The following CSMD1 variants were observed in gnomAD, a reference collection of about 807,000 sequenced individuals.
The protein encoded by CSMD1 is CUB and Sushi multiple domains 1.
A neutral mutation model predicts 417.5 loss-of-function variants in CSMD1; 213 were observed. The ratio of observed to expected loss-of-function variants is 0.51; its 90% CI spans 0.46 to 0.57. The LOEUF (loss-of-function observed/expected upper bound fraction) is 0.57, where lower values mean the gene tolerates loss of function less well. CSMD1 is among the 20% of genes least tolerant of loss of function. The pLI, the probability that CSMD1 is intolerant of heterozygous loss-of-function variation, is 0.00. For synonymous variants in CSMD1, 2,862 were observed against 1,736.8 expected (o/e 1.65, Z -16.11); for missense variants, 6,923 against 4,529.7 (o/e 1.53, Z -15.17).
intron 5 of CSMD1, among the ~76,000 whole-genome samples, chr8:3,854,126 A>C (rs1422435863): frequency 7.0e-6 from 1 of 143,014 alleles, no homozygotes; most frequent in Non-Finnish European, 1.5e-5. Context: ...TATTATACTT[A>C]TATATATAAA....
intron 1 of CSMD1, among the ~76,000 whole-genome samples, chr8:4,947,582 T>C (rs1808453555): frequency 6.6e-6 from 1 of 152,096 alleles, no homozygotes; most frequent in African/African-American, 2.4e-5. Context: ...ATGAAAAATT[T>C]GAAGATTTTC....
intron 10 of CSMD1, among the ~76,000 whole-genome samples, chr8:3,552,254 C>T (rs138256872): frequency 1.4e-3 from 219 of 152,000 alleles, no homozygotes; most frequent in African/African-American, 5.0e-3. Flanking sequence ...AAAAGTGTAT[C>T]GACACAGAAA....
At chr8:3,383,595 T>A (rs1810779053) in intron 18 of CSMD1, among the ~76,000 whole-genome samples, 1 of 152,140 alleles carries the variant, frequency 6.6e-6, no homozygotes, top group Non-Finnish European at 1.5e-5. Flanking sequence ...AAATTAAAAA[T>A]TTCTATTCAT....
intron 36 of CSMD1, among the ~76,000 whole-genome samples, chr8:3,183,914 T>G (rs143710476): frequency 1.3e-4 from 20 of 152,318 alleles, no homozygotes; most frequent in African/African-American, 4.3e-4. Flanking sequence ...GCAATAATCT[T>G]CCAACTTGTT....
chr8:3,105,990 T>C (rs1004191070), intron 46 of CSMD1, among the ~76,000 whole-genome samples: 1 of 152,224 alleles, frequency 6.6e-6, no homozygotes, highest in East Asian at 1.9e-4. Flanking sequence ...TGATTTCTTA[T>C]TTGATATGGC....
chr8:3,522,968 T>G (rs1797569426), intron 10 of CSMD1, among the ~76,000 whole-genome samples: 1 of 150,772 alleles, frequency 6.6e-6, no homozygotes, highest in South Asian at 2.1e-4. Flanking sequence ...TCTACTCATT[T>G]ATCTATTTTA....
At chr8:4,165,214 C>A (rs1042889298) in intron 3 of CSMD1, among the ~76,000 whole-genome samples, 1 of 152,136 alleles carries the variant, frequency 6.6e-6, no homozygotes, top group African/African-American at 2.4e-5. Context: ...AGCTACACAC[C>A]CTCCAGGTGT....
chr8:3,659,044 C>G (rs1391012527), intron 7 of CSMD1, among the ~76,000 whole-genome samples: 2 of 152,122 alleles, frequency 1.3e-5, no homozygotes, highest in Non-Finnish European at 2.9e-5. Flanking sequence ...TAACACGGCG[C>G]CATTGCATCT....
intron 2 of CSMD1, among the ~76,000 whole-genome samples, chr8:4,605,706 A>G (rs1358506216): frequency 6.6e-6 from 1 of 152,150 alleles, no homozygotes; most frequent in African/African-American, 2.4e-5. Flanking sequence ...GAATGCATAA[A>G]AAGAATGGTT....
chr8:3,357,633 T>C (rs560945907), intron 21 of CSMD1, among the ~76,000 whole-genome samples: 1 of 152,350 alleles, frequency 6.6e-6, no homozygotes, highest in Admixed American at 6.5e-5. Flanking sequence ...AGTAGACTAC[T>C]GACTGTTACA....
At position 4,108,148 on chromosome 8, in the gene CSMD1, G is replaced by A. The variant is rs575935439; in HGVS notation, c.416-76049C>T. Among the ~76,000 whole-genome samples, 8 of 152,082 alleles carry A rather than the reference G, an allele frequency of 5.3e-5. No homozygotes were observed. The South Asian group carries it at 1.5e-3, about 28-fold the overall frequency. On this transcript the variant is annotated intron_variant, in intron 3 of 69. Coordinates refer to ENST00000635120, the MANE Select transcript of CSMD1 (RefSeq NM_033225.6). ...GGAGGGTAGGGAAGGGGAGAAGACA[G>A]AAGAGAGACAGTTTTATTTTTATTA...
At chr8:4,459,888 T>C (rs552437761) in intron 2 of CSMD1, among the ~76,000 whole-genome samples, 1 of 152,248 alleles carries the variant, frequency 6.6e-6, no homozygotes, top group African/African-American at 2.4e-5. Context: ...AAACAGAACC[T>C]GACAAAATTG....
At chr8:3,251,298 C>G (rs1800234717) in intron 26 of CSMD1, among the ~76,000 whole-genome samples, 1 of 152,134 alleles carries the variant, frequency 6.6e-6, no homozygotes, top group Non-Finnish European at 1.5e-5. Flanking sequence ...CCAGTTTTCC[C>G]AGCACCATTT....
At chr8:3,243,936 T>G (rs983019410) in intron 26 of CSMD1, among the ~76,000 whole-genome samples, 3 of 152,164 alleles carry the variant, frequency 2.0e-5, no homozygotes, top group Admixed American at 1.3e-4. Flanking sequence ...ATGTAAAATT[T>G]TATTTGTTGA....
chr8:4,853,944 T>C (rs1435546319), intron 1 of CSMD1, among the ~76,000 whole-genome samples: 1 of 152,186 alleles, frequency 6.6e-6, no homozygotes, highest in African/African-American at 2.4e-5. Flanking sequence ...GTGGGGCTTA[T>C]TACCCCTTTC....
chr8:3,466,577 A>ATTTTTTTTTTTTTTTTTTTTT (rs35761429), intron 12 of CSMD1, among the ~76,000 whole-genome samples: 2 of 113,606 alleles, frequency 1.8e-5, no homozygotes, highest in Non-Finnish European at 3.4e-5. Context: ...CAATCAGCTA[A>ATTTTTTTTTTTTTTTTTTTTT]TTTTTTTTTT....
In CSMD1 at chr8:4,478,343, A is replaced by G. The variant is rs535264982; in HGVS notation, c.303-58278T>C. Among the ~76,000 whole-genome samples, 10 of 152,372 alleles carry G rather than the reference A, an allele frequency of 6.6e-5. 1 individual carries two copies. The East Asian group carries it at 1.3e-3, about 21-fold the overall frequency. Reference sequence around the variant, plus strand: ...ATGTGACAGTTTAATTTATTTTTACATCTTCTAAGCTCTGGGAAATATTAA... The same window carrying G: ...ATGTGACAGTTTAATTTATTTTTACGTCTTCTAAGCTCTGGGAAATATTAA... On this transcript the variant is annotated intron_variant, in intron 2 of 69. Coordinates refer to ENST00000635120, the MANE Select transcript of CSMD1 (RefSeq NM_033225.6).
At chr8:4,653,309 G>C (rs951583809) in intron 1 of CSMD1, among the ~76,000 whole-genome samples, 1 of 152,072 alleles carries the variant, frequency 6.6e-6, no homozygotes, top group Non-Finnish European at 1.5e-5. Context: ...CGATCACTAG[G>C]CGCAACCACA....
At position 4,513,762 on chromosome 8, in the gene CSMD1, C is replaced by A. The variant is rs150054591; in HGVS notation, c.303-93697G>T. ...TACTTTGGCAAAAATACATAAATTT[C>A]GATGAAAATAATTATTCCTTATGTA... On this transcript the variant is annotated intron_variant, in intron 2 of 69. Transcript: ENST00000635120. Among the ~76,000 whole-genome samples, 13 of 152,256 alleles carry A rather than the reference C, an allele frequency of 8.5e-5. No individual in the cohort carries two copies. In the South Asian group the frequency reaches 2.7e-3, roughly 32 times the overall value.
Sources: gnomAD v4.1 joint callset for allele counts (sites outside exome capture counted in the v4.1 genomes callset) on GRCh38, gnomAD v4.1.1 for gene constraint, MANE v1.5 for transcripts, NCBI Gene and HGNC (gene_info 2026-07-23, HGNC 2026-07-21) for gene names.